The following ZNF140 variants were observed in gnomAD, a reference collection of about 807,000 sequenced individuals.
The protein encoded by ZNF140 is zinc finger protein 140, also known as zinc finger protein 140 (clone pHZ-39).
ZNF140 carries 13 observed loss-of-function variants against 12.9 expected under a neutral mutation model. That is an observed-to-expected ratio of 1.01 (90% confidence interval 0.66 to 1.60). The LOEUF is 1.60. Among genes scored for constraint, ZNF140 ranks in the 40% most tolerant of loss-of-function variants. The probability of loss-of-function intolerance (pLI) is 0.00; values close to 1 mark genes in which losing one functional copy is unlikely to be tolerated. For missense variants in ZNF140, 531 were observed against 548.8 expected, an observed-to-expected ratio of 0.97 and a Z score of 0.32; for synonymous variants, 214 against 186.7, an observed-to-expected ratio of 1.15 and a Z score of -1.19.
intron 4 of ZNF140, among the ~76,000 whole-genome samples, chr12:133,084,919 A>G (rs1452765964): frequency 2.6e-5 from 4 of 152,240 alleles, no homozygotes; most frequent in Non-Finnish European, 5.9e-5. Flanking sequence ...GTGGGAGCAA[A>G]TGAGGAAAAA....
intron 4 of ZNF140, among the ~76,000 whole-genome samples, chr12:133,102,642 G>A (rs994055684): frequency 2.6e-5 from 4 of 151,936 alleles, no homozygotes; most frequent in African/African-American, 7.3e-5. Context: ...CCAGCTACTC[G>A]GGAGGCTGAG....
chr12:133,083,061 GGCATGCGTGCT>G (rs1400393151), intron 2 of ZNF140, 31 bp from the exon 3 acceptor site: 9 of 1,613,480 alleles, frequency 5.6e-6, no homozygotes, highest in Middle Eastern at 1.6e-4. Context: ...GGAGTTTGGG[GGCATGCGTGCT>G]GGTCATGCAA....
chr12:133,093,719 A>T (rs2137530498), intron 4 of ZNF140, among the ~76,000 whole-genome samples: 1 of 151,318 alleles, frequency 6.6e-6, no homozygotes, highest in African/African-American at 2.4e-5. Context: ...AATTCAAAGT[A>T]TAGAGTGCTA....
At position 133,107,166 on chromosome 12, in the gene ZNF140, T is replaced by C. The variant is rs896016582; in HGVS notation, c.*515T>C. 6.6e-6 allele frequency: 1 copy of C among 152,498 alleles called. No individual in the cohort carries two copies. Among genetic ancestry groups the C allele is most frequent in the East Asian group, 1.9e-4 (1 of 5,206 alleles). 9.4% of individuals were successfully genotyped at this position (152,498 alleles called of 1,614,324 possible). A position where few individuals can be genotyped will look rare whatever the true frequency, so the allele number is the denominator to read the frequency against. The stretch of plus-strand genomic sequence containing the variant: ...CTTCATTTACAATGCAATACTTACA[T>C]TTTAATACTCTTGTAGGAGAAAAAG... On this transcript the variant is annotated 3_prime_UTR_variant, in exon 5 of 5. Transcript: ENST00000355557.
chr12:133,104,567 G>A (rs1039888872), intron 4 of ZNF140, among the ~76,000 whole-genome samples: 2 of 152,026 alleles, frequency 1.3e-5, no homozygotes, highest in East Asian at 1.9e-4. Flanking sequence ...TAGCCAGGCT[G>A]GTCTCGATCT....
chr12:133,095,439 C>T (rs77602907), intron 4 of ZNF140, among the ~76,000 whole-genome samples: 2 of 150,788 alleles, frequency 1.3e-5, no homozygotes, highest in Non-Finnish European at 1.5e-5. Flanking sequence ...CATACCTTCA[C>T]CCTAGAGAAA....
intron 4 of ZNF140, among the ~76,000 whole-genome samples, chr12:133,103,502 T>C (rs1007522141): frequency 2.0e-4 from 30 of 151,646 alleles, no homozygotes; most frequent in African/African-American, 6.6e-4. Flanking sequence ...TCTCAAACTC[T>C]AGGACTCAAG....
chr12:133,102,390 C>T (rs1332514811), intron 4 of ZNF140, among the ~76,000 whole-genome samples: 1 of 152,050 alleles, frequency 6.6e-6, no homozygotes, highest in Non-Finnish European at 1.5e-5. Context: ...TAAAAAATTT[C>T]CTTGGAGTAT....
chr12:133,098,357 C>A (rs1430242427), intron 4 of ZNF140, among the ~76,000 whole-genome samples: 2 of 152,026 alleles, frequency 1.3e-5, no homozygotes, highest in African/African-American at 4.8e-5. Context: ...CTGCCTCAAC[C>A]TCCATAGTAG....
intron 4 of ZNF140, among the ~76,000 whole-genome samples, chr12:133,097,014 CTAATG>C (rs1248060003): frequency 6.6e-6 from 1 of 152,158 alleles, no homozygotes; most frequent in Non-Finnish European, 1.5e-5. Context: ...CAGGCTCTGC[CTAATG>C]TATTTTGATG....
In ZNF140 at chr12:133,106,760, G is replaced by T. The variant is rs1955616170; in HGVS notation, c.*109G>T. On this transcript the variant is annotated 3_prime_UTR_variant, in exon 5 of 5. Transcript: ENST00000355557. ...GAAGCCTTATGTGAAAGTGATGACT[G>T]TGAAGTAATATGGCCCACACTTTAT... The T allele has an allele frequency of 7.7e-6, 8 of 1,039,232 alleles. No homozygotes were observed. Among genetic ancestry groups the T allele is most frequent in the Non-Finnish European group, 1.1e-5 (8 of 742,444 alleles). 64.4% of individuals were successfully genotyped at this position (1,039,232 alleles called of 1,614,324 possible).
chr12:133,106,693 T>A lies in ZNF140; in HGVS notation c.*42T>A, dbSNP rs759567221. The A allele has an allele frequency of 2.9e-5, 43 of 1,498,044 alleles. No individual in the cohort carries two copies. In the East Asian group the frequency reaches 7.0e-4, roughly 24 times the overall value. The allele number at this position is 1,498,044 out of a possible 1,614,324, so 92.8% of individuals were successfully genotyped here. On this transcript the variant is annotated 3_prime_UTR_variant, in exon 5 of 5. Transcript: ENST00000355557. ...AAAACTATGAATGTATGGAATTTTT[T>A]AAAAAGAAGTATAATGCCTTACTTC...
In ZNF140 at chr12:133,105,680, G is replaced by A; in HGVS notation, c.403G>A (p.Gly135Arg). ...TACTGAGATGCTGCAAGAAAATCAG[G>A]GATGTATTAGGAAAGTAACAGTCTC... ...DHTEMLQENQGCIRKVTVSHQ... is the reference protein window; with the variant it reads ...DHTEMLQENQRCIRKVTVSHQ... The change falls in exon 5 of 5, where the codon GGA becomes AGA. Residue 135 changes from glycine to arginine, a missense_variant. Transcript: ENST00000355557. 6.2e-7 allele frequency: 1 copy of A among 1,614,160 alleles called. No individual in the cohort carries two copies. Among genetic ancestry groups the A allele is most frequent in the Non-Finnish European group, 8.5e-7 (1 of 1,180,030 alleles).
intron 2 of ZNF140, 153 bp downstream of exon 2, chr12:133,081,482 C>G: frequency 4.4e-6 from 2 of 459,428 alleles, no homozygotes; most frequent in South Asian, 3.1e-5. Context: ...TGAGCCAACC[C>G]ACTTGGCCTG....
chr12:133,095,811 T>A (rs933796283), intron 4 of ZNF140, among the ~76,000 whole-genome samples: 11 of 151,996 alleles, frequency 7.2e-5, no homozygotes, highest in South Asian at 4.1e-4. Flanking sequence ...GATTTATGTT[T>A]CTCTCCACCC....
In ZNF140 at chr12:133,095,420, C is replaced by T. The variant is rs930144734; in HGVS notation, c.233-10090C>T. 7.3e-5 allele frequency among the ~76,000 whole-genome samples: 11 copies of T among 150,950 alleles called. 1 individual carries two copies. In the South Asian group the frequency reaches 1.0e-3, roughly 14 times the overall value. On this transcript the variant is annotated intron_variant, in intron 4 of 4. Transcript: ENST00000355557. ...TCTCGTCGGCTGTCCTCAATGCTCA[C>T]GTTCTTAGCATACCTTCACCCTAGA...
At position 133,106,578 on chromosome 12, in the gene ZNF140, C is replaced by T. The variant is rs754434290; in HGVS notation, c.1301C>T (p.Thr434Ile). The T allele has an allele frequency of 6.2e-7, 1 of 1,613,646 alleles. No individual in the cohort carries two copies. Among genetic ancestry groups the T allele is most frequent in the East Asian group, 2.2e-5 (1 of 44,882 alleles). Residue 434 changes from threonine to isoleucine, a missense_variant, in exon 5 of 5, where the codon ACA (threonine) becomes ATA (isoleucine). Coordinates refer to ENST00000355557, the MANE Select transcript of ZNF140 (RefSeq NM_003440.4). Reference protein sequence around the residue: ...WSSNLAKHQRTHTLDNPYEYE... With the variant: ...WSSNLAKHQRIHTLDNPYEYE... ...TCAAACCTTGCTAAACATCAGAGGA[C>T]ACACACTCTTGACAACCCCTATGAA...
intron 4 of ZNF140, among the ~76,000 whole-genome samples, chr12:133,091,424 A>G (rs1954886420): frequency 6.6e-6 from 1 of 151,364 alleles, no homozygotes; most frequent in African/African-American, 2.5e-5. Flanking sequence ...AAAGCTACAA[A>G]TTAACAACAT....
At chr12:133,087,171 TAGAC>T (rs1954703290) in intron 4 of ZNF140, among the ~76,000 whole-genome samples, 1 of 151,428 alleles carries the variant, frequency 6.6e-6, no homozygotes, top group Admixed American at 6.6e-5. Flanking sequence ...CTAAGGGAGG[TAGAC>T]AGATTGGAAA....
Sources: allele counts gnomAD v4.1 joint callset (sites outside exome capture counted in the v4.1 genomes callset), GRCh38; gene constraint gnomAD v4.1.1; transcripts MANE v1.5; gene names NCBI Gene and HGNC (gene_info 2026-07-23, HGNC 2026-07-21).